Variants in NT5DC4 observed in about 807,000 individuals in gnomAD.
NT5DC4 encodes the protein 5'-nucleotidase domain-containing protein 4.
A neutral mutation model predicts 26.6 loss-of-function variants in NT5DC4; 44 were observed. That is an observed-to-expected ratio of 1.65 (90% confidence interval 1.30 to 2.13). The LOEUF (loss-of-function observed/expected upper bound fraction) is 2.13. NT5DC4 is among the 30% of genes most tolerant of loss of function. The pLI is 0.00. For missense variants in NT5DC4, 399 were observed against 228.1 expected (o/e 1.75, Z -4.83); for synonymous variants, 157 against 86.7 (o/e 1.81, Z -4.51).
upstream of NT5DC4, among the ~76,000 whole-genome samples, chr2:112,719,000 C>A (rs1404224832): frequency 6.6e-6 from 1 of 152,192 alleles, no homozygotes; most frequent in African/African-American, 2.4e-5. Context: ...CCTTGCCTCA[C>A]CATCTTAATA....
chr2:112,722,460 G>A (rs1455480240), intron 4 of NT5DC4, 23 bp from the exon 5 acceptor site: 3 of 717,088 alleles, frequency 4.2e-6, no homozygotes, highest in Non-Finnish European at 7.8e-6. Flanking sequence ...AGGCACTGGG[G>A]AGGGGTCATT....
At chr2:112,740,676 C>T, downstream of NT5DC4, 1 of 644,842 alleles carries the variant, frequency 1.6e-6, no homozygotes, top group Non-Finnish European at 2.7e-6. Context: ...GGGGTGAATG[C>T]ATTCTAATAC....
chr2:112,719,985 T>C (rs1676736854), upstream of NT5DC4, among the ~76,000 whole-genome samples: 1 of 130,876 alleles, frequency 7.6e-6, no homozygotes, highest in African/African-American at 3.3e-5. Context: ...TTTCTTTCTT[T>C]CTTTTTCTTT....
intron 15 of NT5DC4, 179 bp downstream of exon 15, chr2:112,726,917 C>T (rs1677820278): frequency 1.6e-6 from 1 of 637,258 alleles, no homozygotes; most frequent in Non-Finnish European, 2.9e-6. Flanking sequence ...GCCGACATTC[C>T]AAAGGGCAGC....
At chr2:112,719,889 CCTTTCTTTCTTTCTTTTT>C (rs1676676270), upstream of NT5DC4, among the ~76,000 whole-genome samples, 1 of 77,336 alleles carries the variant, frequency 1.3e-5, no homozygotes, top group Non-Finnish European at 2.6e-5. Context: ...TTCTTTCTTT[CCTTTCTTTCTTTCTTTTT>C]CTTTCTTTCT....
upstream of NT5DC4, among the ~76,000 whole-genome samples, chr2:112,719,981 TCTTTC>T (rs1676735260): frequency 7.9e-6 from 1 of 127,336 alleles, no homozygotes; most frequent in Non-Finnish European, 1.6e-5. Context: ...TTTCTTTCTT[TCTTTC>T]TTTTTCTTTT....
intron 15 of NT5DC4, 136 bp from the exon 16 acceptor site, chr2:112,729,491 G>C: frequency 1.6e-6 from 1 of 641,604 alleles, no homozygotes; most frequent in Non-Finnish European, 2.9e-6. Flanking sequence ...ACCTTCCGAG[G>C]TTCCTTCCTC....
At position 112,722,519 on chromosome 2, in the gene NT5DC4, C is replaced by T. The variant is rs1255365465; in HGVS notation, c.399C>T (p.Tyr133=). ...PLLRAEIWSF[Y]PSKFIQRDDL... ...TCAGGGCAGAGATCTGGAGCTTCTA[C>T]CCCAGCAAGTTCATTCAGAGGGACG... The change falls in exon 5 of 17, where the codon TAC becomes TAT. Residue 133 remains tyrosine (Y), a synonymous_variant. Transcript: ENST00000688554. 2 of 717,278 alleles carry T rather than the reference C, an allele frequency of 2.8e-6. No homozygotes were observed. The highest frequency in any genetic ancestry group is 1.7e-5 in the African/African-American group (1 of 57,250). The allele number at this position is 717,278 out of a possible 1,614,324, so 44.4% of individuals were successfully genotyped here.
At chr2:112,734,824 G>C (rs1192411431) in intron 16 of NT5DC4, among the ~76,000 whole-genome samples, 3 of 151,980 alleles carry the variant, frequency 2.0e-5, no homozygotes, top group African/African-American at 7.3e-5. Context: ...CAAGTAGCTG[G>C]GACTACAGGC....
upstream of NT5DC4, among the ~76,000 whole-genome samples, chr2:112,720,224 AT>A (rs1403473226): frequency 2.7e-4 from 3 of 11,278 alleles, no homozygotes; most frequent in East Asian, 0.011. Context: ...CAAGAGGGCA[AT>A]TTTTTTTTTC....
At chr2:112,720,010 T>A (rs1676747295), upstream of NT5DC4, among the ~76,000 whole-genome samples, 1 of 117,554 alleles carries the variant, frequency 8.5e-6, no homozygotes, top group African/African-American at 4.4e-5. Flanking sequence ...TTCTTTTCTT[T>A]TCCCTTCCTT....
At chr2:112,719,776 G>A (rs562046575), upstream of NT5DC4, among the ~76,000 whole-genome samples, 29 of 151,488 alleles carry the variant, frequency 1.9e-4, 1 homozygote, top group South Asian at 1.5e-3. Context: ...GAGCCACTGC[G>A]CCAGGCCCTT....
chr2:112,742,766 T>G (rs147301838), downstream of NT5DC4: 3 of 1,608,096 alleles, frequency 1.9e-6, no homozygotes, highest in Non-Finnish European at 2.5e-6. Context: ...AACTCTTGTA[T>G]TGGCTGGAAG....
At chr2:112,735,208 T>C (rs1289825558) in intron 16 of NT5DC4, among the ~76,000 whole-genome samples, 4 of 151,882 alleles carry the variant, frequency 2.6e-5, no homozygotes, top group African/African-American at 9.7e-5. Flanking sequence ...CACGCCTGGA[T>C]AACGCCTGTA....
At chr2:112,722,636 C>G in intron 5 of NT5DC4, 47 bp downstream of exon 5, 1 of 717,482 alleles carries the variant, frequency 1.4e-6, no homozygotes, top group Non-Finnish European at 2.6e-6. Context: ...AGTTCCGGAG[C>G]TGAGGGTCCC....
chr2:112,729,116 A>G (rs1295565974), intron 15 of NT5DC4, among the ~76,000 whole-genome samples: 1 of 152,116 alleles, frequency 6.6e-6, no homozygotes, highest in Non-Finnish European at 1.5e-5. Context: ...GACCTTGCCA[A>G]TCTTCCTGGC....
chr2:112,732,455 C>T (rs1425400497), intron 16 of NT5DC4, among the ~76,000 whole-genome samples: 1 of 151,256 alleles, frequency 6.6e-6, no homozygotes, highest in Non-Finnish European at 1.5e-5. Flanking sequence ...GTCTCACTGG[C>T]CTGTGTCTTT....
At chr2:112,730,320 A>AG in intron 16 of NT5DC4, among the ~76,000 whole-genome samples, 1 of 151,166 alleles carries the variant, frequency 6.6e-6, no homozygotes, top group African/African-American at 2.4e-5. Context: ...CAAAAAAAAA[A>AG]AAAAAAAAAA....
chr2:112,726,944 G>GAGC (rs1166883811), intron 15 of NT5DC4: 1 of 595,078 alleles, frequency 1.7e-6, no homozygotes, highest in South Asian at 1.9e-5. Flanking sequence ...CTCTTGAAGG[G>GAGC]CTGAGTTGAG....
Sources: gnomAD v4.1 joint callset for allele counts (sites outside exome capture counted in the v4.1 genomes callset) on GRCh38, gnomAD v4.1.1 for gene constraint, MANE v1.5 for transcripts, NCBI Gene and HGNC (gene_info 2026-07-23, HGNC 2026-07-21) for gene names.